Variants in PTPRC observed in about 807,000 individuals in gnomAD.
PTPRC encodes receptor-type tyrosine-protein phosphatase C.
A neutral mutation model predicts 155.9 loss-of-function variants in PTPRC; 44 were observed. That is an observed-to-expected ratio of 0.28 (90% CI 0.22 to 0.36). The LOEUF is 0.36. Ranked by LOEUF, PTPRC falls within the 10% of genes least tolerant of loss-of-function variation. The pLI is 1.00. For synonymous variants in PTPRC, 525 were observed against 533.1 expected, an observed-to-expected ratio of 0.98 and a Z score of 0.21; for missense variants, 1,401 against 1,564.6, an observed-to-expected ratio of 0.90 and a Z score of 1.76.
chr1:198,699,773 G>C, intron 5 of PTPRC, 69 bp downstream of exon 5: 1 of 1,593,334 alleles, frequency 6.3e-7, no homozygotes, highest in Non-Finnish European at 8.6e-7. Context: ...TAAGAATGGT[G>C]TGAGGAAATC....
chr1:198,694,430 T>C (rs556750301), intron 3 of PTPRC: 1,621 of 1,089,148 alleles, frequency 1.5e-3, no homozygotes, highest in South Asian at 2.0e-3. Flanking sequence ...CTTTGCATCC[T>C]TCAATCCAAT....
intron 2 of PTPRC, among the ~76,000 whole-genome samples, chr1:198,665,509 T>A (rs1263023532): frequency 6.6e-6 from 1 of 151,974 alleles, no homozygotes; most frequent in Non-Finnish European, 1.5e-5. Flanking sequence ...AACAGCCAGG[T>A]CCCCCAGGCA....
intron 12 of PTPRC, among the ~76,000 whole-genome samples, chr1:198,715,664 T>G (rs1351749845): frequency 6.6e-6 from 1 of 151,974 alleles, no homozygotes; most frequent in Non-Finnish European, 1.5e-5. Flanking sequence ...ACAGAACAAA[T>G]TGCTTAATCT....
chr1:198,749,187 C>A (rs1655268972), intron 27 of PTPRC, among the ~76,000 whole-genome samples: 1 of 151,606 alleles, frequency 6.6e-6, no homozygotes, highest in African/African-American at 2.4e-5. Context: ...TGTTGTTTGA[C>A]ATGGAATTAT....
chr1:198,660,029 CCA>C (rs1557974725), intron 2 of PTPRC, among the ~76,000 whole-genome samples: 1 of 33,090 alleles, frequency 3.0e-5, no homozygotes, highest in African/African-American at 1.3e-4. Context: ...ATATATATGT[CCA>C]TATATATATA....
intron 14 of PTPRC, among the ~76,000 whole-genome samples, chr1:198,721,679 G>C (rs552000832): frequency 1.3e-5 from 2 of 151,938 alleles, no homozygotes; most frequent in East Asian, 3.9e-4. Context: ...TTTAGGATTT[G>C]TAGAATAATT....
chr1:198,671,895 C>A (rs1178455274), intron 2 of PTPRC, among the ~76,000 whole-genome samples: 1 of 152,196 alleles, frequency 6.6e-6, no homozygotes, highest in African/African-American at 2.4e-5. Flanking sequence ...ATTGCCACAG[C>A]TTTGATTTGG....
chr1:198,697,954 A>G (rs568025829), intron 4 of PTPRC, among the ~76,000 whole-genome samples: 19 of 152,340 alleles, frequency 1.2e-4, no homozygotes, highest in Admixed American at 1.2e-3. Context: ...ACCATAGCAG[A>G]GTAGTAACTA....
intron 2 of PTPRC, among the ~76,000 whole-genome samples, chr1:198,656,653 G>GTTT (rs67367377): frequency 7.1e-6 from 1 of 141,700 alleles, no homozygotes; most frequent in Non-Finnish European, 1.5e-5. Context: ...TTTGTTTTTT[G>GTTT]TTTTTTTTTT....
chr1:198,735,109 T>A lies in PTPRC; in HGVS notation c.2278-18T>A, dbSNP rs1246183595. The stretch of plus-strand genomic sequence containing the variant: ...TTAAATTAAAAATTAAAATACTTAA[T>A]AATTTTTTAAAATGTAGAACAAGTG... On this transcript the variant is annotated intron_variant, in intron 22 of 32. Transcript: ENST00000442510. 1.3e-6 allele frequency: 2 copies of A among 1,561,608 alleles called. No individual in the cohort carries two copies. The highest frequency in any genetic ancestry group is 2.4e-5 in the South Asian group (2 of 83,482).
intron 15 of PTPRC, among the ~76,000 whole-genome samples, chr1:198,724,430 T>A (rs1654033838): frequency 6.6e-6 from 1 of 152,096 alleles, no homozygotes; most frequent in South Asian, 2.1e-4. Flanking sequence ...CCCCCATCAG[T>A]TTTCTGGTTT....
intron 2 of PTPRC, among the ~76,000 whole-genome samples, chr1:198,668,462 A>T (rs1296101675): frequency 6.6e-6 from 1 of 152,210 alleles, no homozygotes; most frequent in Non-Finnish European, 1.5e-5. Context: ...AACACAAAGG[A>T]ACAGGAAGTA....
chr1:198,664,109 A>C (rs527603576), intron 2 of PTPRC, among the ~76,000 whole-genome samples: 1 of 152,110 alleles, frequency 6.6e-6, no homozygotes. Context: ...TATAATTTTT[A>C]TATATCAAAT....
intron 2 of PTPRC, among the ~76,000 whole-genome samples, chr1:198,641,073 A>G (rs928601044): frequency 6.6e-6 from 1 of 152,016 alleles, no homozygotes; most frequent in Non-Finnish European, 1.5e-5. Flanking sequence ...GGATATACAT[A>G]AATTTATTTT....
At chr1:198,705,713 G>A (rs970919067) in intron 8 of PTPRC, among the ~76,000 whole-genome samples, 10 of 151,936 alleles carry the variant, frequency 6.6e-5, no homozygotes, top group African/African-American at 2.2e-4. Context: ...GATCCACCAC[G>A]CCTGGCCCAC....
chr1:198,665,685 C>A (rs1052240), intron 2 of PTPRC, among the ~76,000 whole-genome samples: 58,078 of 152,022 alleles, frequency 0.38, 11,564 homozygotes, highest in East Asian at 0.68. Flanking sequence ...TGTCTCCTTT[C>A]CTTGGATTCT....
Position 198,744,170 on chromosome 1 carries a change from C to T in PTPRC, c.2814C>T (p.Pro938=), listed in dbSNP as rs1282147745. 2.5e-6 allele frequency: 4 copies of T among 1,606,494 alleles called. No homozygotes were observed. Among genetic ancestry groups the T allele is most frequent in the African/African-American group, 1.3e-5 (1 of 74,580 alleles). ...YLHNMKKRDP[P]SEPSPLEAEF... ...ATAACATGAAGAAAAGGGATCCACCCAGTGAGCCGTCTCCACTAGAGGCTG... is the reference window on the plus strand; with the variant it reads ...ATAACATGAAGAAAAGGGATCCACCTAGTGAGCCGTCTCCACTAGAGGCTG... The change falls in exon 26 of 33, where the codon CCC becomes CCT. Residue 938 remains proline, a synonymous_variant. Transcript: ENST00000442510.
chr1:198,664,969 G>A (rs902028018), intron 2 of PTPRC, among the ~76,000 whole-genome samples: 1 of 151,922 alleles, frequency 6.6e-6, no homozygotes, highest in Non-Finnish European at 1.5e-5. Context: ...AATGTTCTCG[G>A]GACTACCATG....
At chr1:198,691,749 C>T (rs1212581577) in intron 2 of PTPRC, among the ~76,000 whole-genome samples, 1 of 152,028 alleles carries the variant, frequency 6.6e-6, no homozygotes, top group African/African-American at 2.4e-5. Flanking sequence ...TTAAATACAT[C>T]CAAGAAACCC....
Sources: allele counts gnomAD v4.1 joint callset (sites outside exome capture counted in the v4.1 genomes callset), GRCh38; gene constraint gnomAD v4.1.1; transcripts MANE v1.5; gene names NCBI Gene and HGNC (gene_info 2026-07-23, HGNC 2026-07-21).